The following SUGCT variants were observed in gnomAD, a reference collection of about 807,000 sequenced individuals.
The protein encoded by SUGCT is succinyl-CoA:glutarate CoA-transferase.
SUGCT carries 41 observed loss-of-function variants against 55.0 expected under a neutral mutation model. The observed-to-expected ratio is 0.74, with a 90% CI of 0.58 to 0.97. The LOEUF is 0.97. Ranked by LOEUF, SUGCT falls within the 50% of genes least tolerant of loss-of-function variation. The probability of loss-of-function intolerance (pLI) is 0.00; values close to 1 mark genes in which losing one functional copy is unlikely to be tolerated. For missense variants in SUGCT, 568 were observed against 547.8 expected (o/e 1.04, Z -0.37); for synonymous variants, 187 against 200.4 (o/e 0.93, Z 0.56).
At chr7:40,665,267 T>C (rs2329820) in intron 12 of SUGCT, among the ~76,000 whole-genome samples, 122,571 of 151,282 alleles carry the variant, frequency 0.81, 50,559 homozygotes, top group African/African-American at 0.95. Flanking sequence ...GGTGAAACCC[T>C]GTCGCTACTA....
the SUGCT span, among the ~76,000 whole-genome samples, chr7:40,949,429 T>C: frequency 6.6e-6 from 1 of 152,200 alleles, no homozygotes; most frequent in Non-Finnish European, 1.5e-5. Context: ...GATGGTAGTT[T>C]CTTTTGTTGT....
the SUGCT span, among the ~76,000 whole-genome samples, chr7:40,926,336 T>C: frequency 6.6e-6 from 1 of 152,084 alleles, no homozygotes; most frequent in African/African-American, 2.4e-5. Context: ...TTTGGTGTTA[T>C]TCAGTGAAAC....
chr7:40,387,984 G>T (rs1785214558), intron 9 of SUGCT: 1 of 152,192 alleles, frequency 6.6e-6, no homozygotes, highest in African/African-American at 2.4e-5. Flanking sequence ...TTGGAAGGAA[G>T]TATCCTCTCC....
At chr7:40,876,953 C>A in the SUGCT span, among the ~76,000 whole-genome samples, 2 of 152,058 alleles carry the variant, frequency 1.3e-5, no homozygotes, top group Non-Finnish European at 2.9e-5. Context: ...TTTTTTCTGA[C>A]AGTACCCTTT....
chr7:40,487,977 T>G (rs546421742), intron 11 of SUGCT, among the ~76,000 whole-genome samples: 1 of 151,958 alleles, frequency 6.6e-6, no homozygotes, highest in East Asian at 1.9e-4. Context: ...TTCCTTTTAC[T>G]TTTATTTATT....
intron 12 of SUGCT, among the ~76,000 whole-genome samples, chr7:40,509,606 G>A (rs957150280): frequency 6.6e-6 from 1 of 152,078 alleles, no homozygotes; most frequent in Non-Finnish European, 1.5e-5. Context: ...TTCTCTCTGA[G>A]TGTTTTGCAT....
intron 7 of SUGCT, among the ~76,000 whole-genome samples, chr7:40,249,313 C>CTATCTATATCTA (rs1324264789): frequency 6.0e-4 from 48 of 79,502 alleles, no homozygotes; most frequent in African/African-American, 2.3e-3. Context: ...CACCAAAAAG[C>CTATCTATATCTA]TATATATATA....
At chr7:40,672,997 G>A (rs1431241571) in intron 12 of SUGCT, among the ~76,000 whole-genome samples, 2 of 152,012 alleles carry the variant, frequency 1.3e-5, no homozygotes, top group African/African-American at 4.8e-5. Context: ...TTGGCAACCT[G>A]CAATATGCCA....
chr7:40,716,433 C>T (rs937980362), intron 12 of SUGCT, among the ~76,000 whole-genome samples: 1 of 152,214 alleles, frequency 6.6e-6, no homozygotes, highest in African/African-American at 2.4e-5. Flanking sequence ...AAAACTTTAA[C>T]TCATTCCAAA....
chr7:40,836,822 T>C (rs1452695623), intron 13 of SUGCT, among the ~76,000 whole-genome samples: 1 of 152,234 alleles, frequency 6.6e-6, no homozygotes, highest in African/African-American at 2.4e-5. Context: ...TTCTTTGATA[T>C]AGAATACAAC....
chr7:40,533,211 C>G (rs1160154939), intron 12 of SUGCT, among the ~76,000 whole-genome samples: 1 of 152,138 alleles, frequency 6.6e-6, no homozygotes, highest in African/African-American at 2.4e-5. Flanking sequence ...AAACAAAAAT[C>G]TGTGAGTCAC....
intron 13 of SUGCT, among the ~76,000 whole-genome samples, chr7:40,857,382 T>C (rs1316421454): frequency 6.6e-6 from 1 of 152,250 alleles, no homozygotes; most frequent in Non-Finnish European, 1.5e-5. Context: ...CTCTGAGATC[T>C]TGACATCACT....
At position 40,590,834 on chromosome 7, in the gene SUGCT, C is replaced by T. The variant is rs1797677110; in HGVS notation, c.1089+94448C>T. Among the ~76,000 whole-genome samples, 4 of 152,134 alleles carry T rather than the reference C, an allele frequency of 2.6e-5. No individual in the cohort carries two copies. In the South Asian group the frequency reaches 8.3e-4, roughly 32 times the overall value. On this transcript the variant is annotated intron_variant, in intron 12 of 13. Transcript: ENST00000335693. The stretch of plus-strand genomic sequence containing the variant: ...TGCTCCGTACATGGAACAACAAAGC[C>T]TGGATTACACTGCGTCTGTTTACAG...
At chr7:40,783,039 T>C (rs1436511198) in intron 13 of SUGCT, among the ~76,000 whole-genome samples, 1 of 152,164 alleles carries the variant, frequency 6.6e-6, no homozygotes, top group Non-Finnish European at 1.5e-5. Flanking sequence ...TGGGAAGATA[T>C]TGGAGTCCAG....
At chr7:40,431,894 G>A (rs1787912553) in intron 9 of SUGCT, among the ~76,000 whole-genome samples, 1 of 152,042 alleles carries the variant, frequency 6.6e-6, no homozygotes, top group Non-Finnish European at 1.5e-5. Context: ...CTGAATTTGT[G>A]TATTAATTGT....
In SUGCT at chr7:40,551,942, C is replaced by T. The variant is rs578181138; in HGVS notation, c.1089+55556C>T. Among the ~76,000 whole-genome samples, 10 of 152,308 alleles carry T rather than the reference C, an allele frequency of 6.6e-5. No individual in the cohort carries two copies. In the South Asian group the frequency reaches 1.9e-3, roughly 28 times the overall value. ...TGAGAGGCTCCCTTCAGCTCAATAA[C>T]AGAGCCTATCAGACTCATCAAACTT... On this transcript the variant is annotated intron_variant, in intron 12 of 13. Coordinates refer to ENST00000335693, the MANE Select transcript of SUGCT (RefSeq NM_001193313.2).
intron 11 of SUGCT, among the ~76,000 whole-genome samples, chr7:40,473,229 A>G (rs1033260991): frequency 2.0e-5 from 3 of 152,168 alleles, no homozygotes; most frequent in Admixed American, 6.6e-5. Context: ...AATAAATCTT[A>G]CATACTTATT....
At chr7:40,999,757 A>C in the SUGCT span, among the ~76,000 whole-genome samples, 1 of 152,286 alleles carries the variant, frequency 6.6e-6, no homozygotes, top group East Asian at 1.9e-4. Context: ...TGGGACTTTT[A>C]CCTTTCCAGA....
chr7:40,270,351 T>TA (rs1345870212), intron 7 of SUGCT, among the ~76,000 whole-genome samples: 2 of 152,154 alleles, frequency 1.3e-5, no homozygotes, highest in African/African-American at 4.8e-5. Context: ...TCCAATATCA[T>TA]AAAGATTTAC....
Sources: allele counts gnomAD v4.1 joint callset (sites outside exome capture counted in the v4.1 genomes callset), GRCh38; gene constraint gnomAD v4.1.1; transcripts MANE v1.5; gene names NCBI Gene and HGNC (gene_info 2026-07-23, HGNC 2026-07-21).